The following TMEM232 variants were observed in gnomAD, a reference collection of about 807,000 sequenced individuals.
The protein encoded by TMEM232 is transmembrane protein 232.
In TMEM232, 80 loss-of-function variants were observed where a neutral mutation model predicts 78.8. The ratio of observed to expected loss-of-function variants is 1.01; its 90% CI spans 0.85 to 1.22. TMEM232 has a LOEUF of 1.22. Ranked by LOEUF, TMEM232 falls within the 50% of genes most tolerant of loss-of-function variation. The pLI is 0.00. For missense variants in TMEM232, 881 were observed against 742.2 expected, an observed-to-expected ratio of 1.19 and a Z score of -2.17; for synonymous variants, 297 against 254.3, an observed-to-expected ratio of 1.17 and a Z score of -1.60.
intron 2 of TMEM232, among the ~76,000 whole-genome samples, chr5:110,644,892 AGAAAT>A (rs142213953): frequency 0.029 from 4,343 of 151,604 alleles, 159 homozygotes; most frequent in African/African-American, 0.088. Flanking sequence ...AAATAAAATC[AGAAAT>A]GAAAGTGAAA....
intron 12 of TMEM232, 99 bp downstream of exon 12, chr5:110,528,489 G>C: frequency 1.5e-6 from 2 of 1,296,466 alleles, no homozygotes; most frequent in Middle Eastern, 2.8e-4. Flanking sequence ...TTGAAGAAGA[G>C]AAACTGAGTT....
intron 12 of TMEM232, among the ~76,000 whole-genome samples, chr5:110,466,202 A>T (rs1240881019): frequency 6.6e-6 from 1 of 152,226 alleles, no homozygotes; most frequent in East Asian, 1.9e-4. Flanking sequence ...AGAAAGTGAT[A>T]TCACCACAGA....
At chr5:110,708,422 A>C (rs1159972478) in intron 1 of TMEM232, among the ~76,000 whole-genome samples, 3 of 152,196 alleles carry the variant, frequency 2.0e-5, no homozygotes, top group Middle Eastern at 3.2e-3. Context: ...TGGAAATAGT[A>C]GGCATGCAGA....
intron 12 of TMEM232, among the ~76,000 whole-genome samples, chr5:110,475,779 C>T (rs917371045): frequency 2.0e-5 from 3 of 151,880 alleles, no homozygotes; most frequent in Non-Finnish European, 4.4e-5. Flanking sequence ...AATTGCAGCA[C>T]AAGCACCTGA....
intron 1 of TMEM232, among the ~76,000 whole-genome samples, chr5:110,703,635 T>C (rs1441697346): frequency 6.6e-6 from 1 of 152,100 alleles, no homozygotes; most frequent in Non-Finnish European, 1.5e-5. Context: ...AACATTTTCT[T>C]GTAGAACAGC....
At chr5:110,694,893 A>T (rs1011818127) in intron 1 of TMEM232, among the ~76,000 whole-genome samples, 6 of 152,164 alleles carry the variant, frequency 3.9e-5, no homozygotes, top group Non-Finnish European at 7.4e-5. Context: ...GACAGATCAA[A>T]GAGACAGAAA....
intron 1 of TMEM232, among the ~76,000 whole-genome samples, chr5:110,726,107 T>TACAC (rs1798121836): frequency 1.0e-5 from 1 of 100,132 alleles, no homozygotes; most frequent in African/African-American, 7.1e-5. Flanking sequence ...CCCTCTCTCT[T>TACAC]TCACACACAC....
rs1215941510 is a variant in TMEM232 at position 110,479,128 on chromosome 5, A to G, written c.1703+49460T>C. 2.0e-5 allele frequency among the ~76,000 whole-genome samples: 3 copies of G among 151,628 alleles called. No homozygotes were observed. The East Asian group carries it at 5.8e-4, about 29-fold the overall frequency. The stretch of plus-strand genomic sequence containing the variant: ...CTTCCCTTTCCCCCTAAAATATTCA[A>G]GCACAACTCATGACTCATAGTAAGT... On this transcript the variant is annotated intron_variant, in intron 12 of 13. Transcript: ENST00000455884.
At chr5:110,534,392 TAAAAAA>T (rs1020867807) in intron 11 of TMEM232, among the ~76,000 whole-genome samples, 1 of 152,162 alleles carries the variant, frequency 6.6e-6, no homozygotes, top group Admixed American at 6.5e-5. Flanking sequence ...GCTACCAACT[TAAAAAA>T]GACTAGACAA....
intron 1 of TMEM232, among the ~76,000 whole-genome samples, chr5:110,681,812 T>TCTTG: frequency 6.6e-6 from 1 of 152,118 alleles, no homozygotes. Flanking sequence ...AAAAAGAGAG[T>TCTTG]CTTGAACCAT....
intron 12 of TMEM232, among the ~76,000 whole-genome samples, chr5:110,516,755 T>C (rs1768725554): frequency 6.6e-6 from 1 of 152,132 alleles, no homozygotes; most frequent in South Asian, 2.1e-4. Context: ...CTGCAAGCCA[T>C]TCAGAGCAAA....
intron 10 of TMEM232, among the ~76,000 whole-genome samples, chr5:110,580,007 T>A (rs1238467648): frequency 2.0e-5 from 3 of 151,404 alleles, no homozygotes; most frequent in Non-Finnish European, 4.4e-5. Flanking sequence ...GAAGCCAGAG[T>A]GGCTATACTT....
chr5:110,458,686 G>C (rs79642606), intron 12 of TMEM232, among the ~76,000 whole-genome samples: 4,438 of 152,052 alleles, frequency 0.029, 104 homozygotes, highest in Non-Finnish European at 0.043. Context: ...TTATTTTATG[G>C]TGTTTATATA....
chr5:110,718,017 T>C (rs2150337016), intron 1 of TMEM232, among the ~76,000 whole-genome samples: 1 of 152,270 alleles, frequency 6.6e-6, no homozygotes, highest in Middle Eastern at 3.4e-3. Flanking sequence ...TGAATATTTT[T>C]CTTAGAACTA....
At chr5:110,392,493 A>G (rs934411620) in intron 3 of TMEM232, among the ~76,000 whole-genome samples, 2 of 152,186 alleles carry the variant, frequency 1.3e-5, no homozygotes, top group Non-Finnish European at 2.9e-5. Context: ...ATGGAAATTT[A>G]TTTCTCACAG....
At chr5:110,608,756 G>A (rs566529026) in intron 8 of TMEM232, among the ~76,000 whole-genome samples, 47 of 152,022 alleles carry the variant, frequency 3.1e-4, no homozygotes, top group East Asian at 1.2e-3. Flanking sequence ...GGAGTTTGTC[G>A]AAAACAAAAG....
chr5:110,717,416 A>G (rs1442410031), intron 1 of TMEM232, among the ~76,000 whole-genome samples: 1 of 152,104 alleles, frequency 6.6e-6, no homozygotes, highest in Non-Finnish European at 1.5e-5. Flanking sequence ...AAAGTCATTT[A>G]AAAGGCCAAC....
At chr5:110,589,506 A>G (rs1779247575) in intron 10 of TMEM232, among the ~76,000 whole-genome samples, 1 of 152,182 alleles carries the variant, frequency 6.6e-6, no homozygotes, top group Non-Finnish European at 1.5e-5. Flanking sequence ...TGAATGGACC[A>G]TCTAGTCTAG....
intron 1 of TMEM232, among the ~76,000 whole-genome samples, chr5:110,698,779 G>C (rs1185885447): frequency 6.6e-6 from 1 of 152,080 alleles, no homozygotes; most frequent in Non-Finnish European, 1.5e-5. Flanking sequence ...AGAAAGGAAA[G>C]AAAAGTAAGG....
Sources: gnomAD v4.1 joint callset for allele counts (sites outside exome capture counted in the v4.1 genomes callset) on GRCh38, gnomAD v4.1.1 for gene constraint, MANE v1.5 for transcripts, NCBI Gene and HGNC (gene_info 2026-07-23, HGNC 2026-07-21) for gene names.